Variants in BTG4 observed in about 807,000 individuals in gnomAD.
The protein encoded by BTG4 is BTG anti-proliferation factor 4, also known as protein BTG4.
In BTG4, 10 loss-of-function variants were observed where a neutral mutation model predicts 19.3. The observed-to-expected ratio is 0.52, with a 90% CI of 0.32 to 0.88. The LOEUF (loss-of-function observed/expected upper bound fraction) is 0.88. BTG4 is among the 40% of genes least tolerant of loss of function. The pLI, the probability that BTG4 is intolerant of heterozygous loss-of-function variation, is 0.04. For missense variants in BTG4, 238 were observed against 281.9 expected, an observed-to-expected ratio of 0.84 and a Z score of 1.11; for synonymous variants, 91 against 95.7, an observed-to-expected ratio of 0.95 and a Z score of 0.29.
At chr11:111,396,336 A>G in the BTG4 span, among the ~76,000 whole-genome samples, 8 of 152,286 alleles carry the variant, frequency 5.3e-5, no homozygotes, top group African/African-American at 1.2e-4. Flanking sequence ...TGGAAGGCCC[A>G]CAGCACTCCC....
chr11:111,467,358 T>A (rs1000373476), downstream of BTG4, among the ~76,000 whole-genome samples: 3 of 152,240 alleles, frequency 2.0e-5, no homozygotes, highest in East Asian at 5.8e-4. Context: ...GTAAATTGAT[T>A]GTCATATTTA....
chr11:111,438,945 A>C, the BTG4 span, among the ~76,000 whole-genome samples: 1 of 152,178 alleles, frequency 6.6e-6, no homozygotes, highest in Non-Finnish European at 1.5e-5. Context: ...CAACACATTA[A>C]ACATATTTTC....
chr11:111,445,426 G>A, the BTG4 span, among the ~76,000 whole-genome samples: 1 of 152,132 alleles, frequency 6.6e-6, no homozygotes, highest in African/African-American at 2.4e-5. Context: ...AGCCTTTTCA[G>A]CCTGTGTGGG....
the BTG4 span, among the ~76,000 whole-genome samples, chr11:111,411,779 A>T: frequency 3.7e-3 from 570 of 152,380 alleles, 4 homozygotes; most frequent in Admixed American, 8.9e-3. Flanking sequence ...CAACAAAAAA[A>T]GTAAGCTCCA....
At position 111,478,053 on chromosome 11, in the gene BTG4, T is replaced by C. The variant is rs140504668; in HGVS notation, c.663-10372A>G. 2.0e-3 allele frequency among the ~76,000 whole-genome samples: 307 copies of C among 152,100 alleles called. 2 individuals are homozygous for C. Among genetic ancestry groups the C allele is most frequent in the African/African-American group, 7.1e-3 (294 of 41,508 alleles). On this transcript the variant is annotated intron_variant, in intron 5 of 5. Coordinates refer to the BTG4 transcript ENST00000356018. ...CCTCATGGTATCAGTAGAAACCACA[T>C]AGAAAGTCTAGACATCCCCACACCT...
the BTG4 span, chr11:111,415,982 T>G: frequency 6.6e-6 from 1 of 152,464 alleles, no homozygotes; most frequent in Non-Finnish European, 1.5e-5. Context: ...AGGTCGAGGC[T>G]GCAGGGAGCC....
the BTG4 span, chr11:111,398,997 C>A: frequency 6.6e-6 from 1 of 152,116 alleles, no homozygotes; most frequent in Non-Finnish European, 1.5e-5. Flanking sequence ...CCTGAGAGAG[C>A]TTAATGGTGG....
At chr11:111,474,448 A>G (rs190858375) in intron 5 of BTG4, among the ~76,000 whole-genome samples, 21 of 152,292 alleles carry the variant, frequency 1.4e-4, no homozygotes, top group Admixed American at 1.2e-3. Flanking sequence ...GATATGAGTT[A>G]CTTTATTGCT....
At chr11:111,481,080 AT>A (rs996244268) in intron 5 of BTG4, among the ~76,000 whole-genome samples, 57 of 151,956 alleles carry the variant, frequency 3.8e-4, no homozygotes, top group African/African-American at 1.1e-3. Context: ...GAAGACACAA[AT>A]TACCAATATC....
chr11:111,464,302 C>T (rs1209822159), downstream of BTG4, among the ~76,000 whole-genome samples: 1 of 152,152 alleles, frequency 6.6e-6, no homozygotes, highest in African/African-American at 2.4e-5. Context: ...CCCAGCCCCA[C>T]AGTCTTTTTG....
At chr11:111,446,016 AG>A in the BTG4 span, among the ~76,000 whole-genome samples, 1 of 152,248 alleles carries the variant, frequency 6.6e-6, no homozygotes, top group Non-Finnish European at 1.5e-5. Context: ...GGAGAAGTGC[AG>A]AGAGCTAATG....
chr11:111,498,011 C>T lies in BTG4; in HGVS notation c.298G>A (p.Glu100Lys), dbSNP rs2135680990. 1 of 1,614,006 alleles carries T rather than the reference C, an allele frequency of 6.2e-7. No homozygotes were observed. The highest frequency in any genetic ancestry group is 8.5e-7 in the Non-Finnish European group (1 of 1,179,936). Residue 100 changes from glutamate to lysine, a missense_variant, in exon 3 of 5, where the codon GAA becomes AAA. Coordinates refer to ENST00000692032, the MANE Select transcript of BTG4 (RefSeq NM_001367975.1). ...KEMTIWVDPF[E>K]VCCRYGEKNH... ...GAGATTACTCACCTACAGCATACTT[C>T]AAAGGGATCTACCCATATGGTCATC... is the stretch of plus-strand genomic sequence containing the variant.
At chr11:111,458,523 C>T in the BTG4 span, among the ~76,000 whole-genome samples, 1 of 152,076 alleles carries the variant, frequency 6.6e-6, no homozygotes, top group Non-Finnish European at 1.5e-5. Flanking sequence ...TGCTATGATA[C>T]CCATTTTAGA....
chr11:111,506,188 A>C (rs944660454), intron 1 of BTG4, among the ~76,000 whole-genome samples: 1 of 152,152 alleles, frequency 6.6e-6, no homozygotes, highest in African/African-American at 2.4e-5. Flanking sequence ...TGTTTATTGC[A>C]GCACCATTTA....
chr11:111,404,766 C>A, the BTG4 span: 2 of 421,526 alleles, frequency 4.7e-6, no homozygotes, highest in Admixed American at 2.7e-5. Context: ...GACATGAAAA[C>A]TTGGAGCTTT....
chr11:111,426,295 G>T, the BTG4 span, among the ~76,000 whole-genome samples: 1 of 151,784 alleles, frequency 6.6e-6, no homozygotes, highest in East Asian at 1.9e-4. Flanking sequence ...TGGAAAGGAG[G>T]ACTGGATTGA....
chr11:111,409,886 T>C, the BTG4 span, among the ~76,000 whole-genome samples: 1 of 152,210 alleles, frequency 6.6e-6, no homozygotes, highest in African/African-American at 2.4e-5. Context: ...GCTTTACAAA[T>C]GAATAAGCTA....
At chr11:111,425,605 T>C in the BTG4 span, among the ~76,000 whole-genome samples, 1 of 152,160 alleles carries the variant, frequency 6.6e-6, no homozygotes, top group African/African-American at 2.4e-5. Context: ...GAAACTACTG[T>C]AGTAACCCAG....
the BTG4 span, chr11:111,404,730 G>A: frequency 1.5e-5 from 7 of 453,882 alleles, no homozygotes; most frequent in South Asian, 6.2e-5. Flanking sequence ...TCCCTAGGAA[G>A]AAAGGACAGG....
Sources: gnomAD v4.1 joint callset for allele counts (sites outside exome capture counted in the v4.1 genomes callset) on GRCh38, gnomAD v4.1.1 for gene constraint, MANE v1.5 for transcripts, NCBI Gene and HGNC (gene_info 2026-07-23, HGNC 2026-07-21) for gene names.